Variants in FAM135B observed in about 807,000 individuals in gnomAD.
FAM135B encodes family with sequence similarity 135 member B, also known as protein FAM135B.
A neutral mutation model predicts 127.7 loss-of-function variants in FAM135B; 43 were observed. The observed-to-expected ratio is 0.34, with a 90% confidence interval of 0.26 to 0.43. The LOEUF (loss-of-function observed/expected upper bound fraction) is 0.43, where lower values mean the gene tolerates loss of function less well. FAM135B is among the 20% of genes least tolerant of loss of function. The pLI, the probability that FAM135B is intolerant of heterozygous loss-of-function variation, is 1.00. For missense variants in FAM135B, 1,558 were observed against 1,725.6 expected (o/e 0.90, Z 1.72); for synonymous variants, 670 against 665.1 (o/e 1.01, Z -0.11).
At chr8:138,235,308 T>C (rs1372606889) in intron 7 of FAM135B, among the ~76,000 whole-genome samples, 1 of 126,582 alleles carries the variant, frequency 7.9e-6, no homozygotes, top group South Asian at 2.4e-4. Flanking sequence ...GTCATTTCCA[T>C]TGCTGCATCA....
At chr8:138,301,614 C>T (rs543705358) in intron 3 of FAM135B, among the ~76,000 whole-genome samples, 6 of 152,272 alleles carry the variant, frequency 3.9e-5, no homozygotes, top group East Asian at 1.9e-4. Context: ...CCTACTCTGC[C>T]CCAGGCCCTC....
In FAM135B at chr8:138,153,124, T is replaced by C; in HGVS notation, c.1351A>G (p.Asn451Asp). 6.2e-7 allele frequency: 1 copy of C among 1,614,030 alleles called. No individual in the cohort carries two copies. Among genetic ancestry groups the C allele is most frequent in the South Asian group, 1.1e-5 (1 of 91,064 alleles). Residue 451 changes from asparagine (N) to aspartate (D), a missense_variant, in exon 13 of 20, where the codon AAT (asparagine) becomes GAT (aspartate). By Grantham distance (23) the Asn-to-Asp change is conservative. Around this residue, in one of 5 missense-constraint regions of FAM135B, gnomAD observed 923 missense variants for 865.3 expected, o/e 1.07. Transcript: ENST00000395297. Reference sequence around the variant, plus strand: ...TCTTCCCTAAAAGATAAATTGCTATTTACCATACAGTTATCTTCCTTGTCT... The same window carrying C: ...TCTTCCCTAAAAGATAAATTGCTATCTACCATACAGTTATCTTCCTTGTCT... Reference protein sequence around the residue: ...LKDKEDNCMVNSNLSFREDLV... With the variant: ...LKDKEDNCMVDSNLSFREDLV...
chr8:138,226,189 G>GCGCGCGCA (rs1237791346), intron 7 of FAM135B, among the ~76,000 whole-genome samples: 14 of 148,076 alleles, frequency 9.5e-5, no homozygotes, highest in African/African-American at 2.3e-4. Flanking sequence ...GTGTGTGCGC[G>GCGCGCGCA]CATGTCATTT....
intron 6 of FAM135B, among the ~76,000 whole-genome samples, chr8:138,247,649 G>T (rs992623798): frequency 6.6e-6 from 1 of 152,030 alleles, no homozygotes; most frequent in Admixed American, 6.6e-5. Context: ...CTTGCTCTCT[G>T]CCCTTTCGGT....
chr8:138,389,992 G>A (rs544123939), intron 1 of FAM135B, among the ~76,000 whole-genome samples: 16 of 152,252 alleles, frequency 1.1e-4, no homozygotes, highest in African/African-American at 3.9e-4. Context: ...CATTACATGT[G>A]TATGTTCTTA....
chr8:138,418,446 C>CAGT (rs71316342), intron 1 of FAM135B, among the ~76,000 whole-genome samples: 10,257 of 151,568 alleles, frequency 0.068, 784 homozygotes, highest in East Asian at 0.26. Flanking sequence ...CAGAAAACTG[C>CAGT]GAGATGCTAT....
chr8:138,189,539 A>C lies in FAM135B; in HGVS notation c.873+5719T>G, dbSNP rs1432858369. Among the ~76,000 whole-genome samples the C allele has an allele frequency of 2.0e-5, 3 of 152,212 alleles. No homozygotes were observed. In the South Asian group the frequency reaches 6.2e-4, roughly 31 times the overall value. On this transcript the variant is annotated intron_variant, in intron 9 of 19. Coordinates refer to ENST00000395297, the MANE Select transcript of FAM135B (RefSeq NM_015912.4). The stretch of plus-strand genomic sequence containing the variant: ...CATCCGCACATGGCAAAGCTAAAAG[A>C]GCACTGACTGTAACACTCCTTCTGG...
chr8:138,218,172 T>G (rs1415789523), intron 7 of FAM135B, among the ~76,000 whole-genome samples: 1 of 152,180 alleles, frequency 6.6e-6, no homozygotes, highest in Non-Finnish European at 1.5e-5. Context: ...GTAGATGCAG[T>G]TCTTGAATTA....
chr8:138,322,280 C>T (rs1321121459), intron 2 of FAM135B, among the ~76,000 whole-genome samples: 1 of 152,204 alleles, frequency 6.6e-6, no homozygotes, highest in African/African-American at 2.4e-5. Context: ...CTCTGCCCCA[C>T]ACCTGACAAG....
intron 1 of FAM135B, among the ~76,000 whole-genome samples, chr8:138,477,647 A>G (rs1814562229): frequency 1.3e-5 from 2 of 152,126 alleles, no homozygotes; most frequent in Non-Finnish European, 2.9e-5. Flanking sequence ...TTTTCTCACT[A>G]AACAGAATGG....
rs1230617169 is a variant in FAM135B, at chr8:138,282,712, ACT to A, written c.158-16872_158-16871del. Among the ~76,000 whole-genome samples the A allele has an allele frequency of 2.0e-5, 3 of 152,074 alleles. No homozygotes were observed. In the South Asian group the frequency reaches 6.2e-4, roughly 32 times the overall value. Reference sequence around the variant, plus strand: ...GCAAAGGTGTGGGGTAACAACAATAACTCTCATTCACGACATGTGGGAACGGA... The same window carrying A: ...GCAAAGGTGTGGGGTAACAACAATAACTCATTCACGACATGTGGGAACGGA... On this transcript the variant is annotated intron_variant, in intron 3 of 19. Transcript: ENST00000395297.
intron 12 of FAM135B, among the ~76,000 whole-genome samples, chr8:138,163,407 T>G (rs976112447): frequency 4.6e-5 from 7 of 152,122 alleles, no homozygotes; most frequent in African/African-American, 1.7e-4. Context: ...GTTTAGGCCA[T>G]GTGATATGGT....
chr8:138,378,230 A>G (rs1198541030), intron 1 of FAM135B, among the ~76,000 whole-genome samples: 1 of 152,222 alleles, frequency 6.6e-6, no homozygotes, highest in Non-Finnish European at 1.5e-5. Context: ...GTGGTCCACA[A>G]GGATAAATAC....
intron 1 of FAM135B, among the ~76,000 whole-genome samples, chr8:138,422,229 T>C (rs1834554543): frequency 6.6e-6 from 1 of 152,106 alleles, no homozygotes; most frequent in African/African-American, 2.4e-5. Context: ...TTTATGACGA[T>C]GACTCTAAAA....
chr8:138,308,190 C>T lies in FAM135B; in HGVS notation c.157+2651G>A, dbSNP rs192740696. On this transcript the variant is annotated intron_variant, in intron 3 of 19. Transcript: ENST00000395297. ...CTCAGCTATCATGTAAGAAGTCTGACCACCCAACTGGAGACAGAAGCCCAG... is the reference window on the plus strand; with the variant it reads ...CTCAGCTATCATGTAAGAAGTCTGATCACCCAACTGGAGACAGAAGCCCAG... Among the ~76,000 whole-genome samples, 1,140 of 152,274 alleles carry T rather than the reference C, an allele frequency of 7.5e-3. 10 individuals carry two copies. Among genetic ancestry groups the T allele is most frequent in the Middle Eastern group, 0.014 (4 of 294 alleles).
At chr8:138,415,553 T>C (rs1424001267) in intron 1 of FAM135B, among the ~76,000 whole-genome samples, 1 of 152,148 alleles carries the variant, frequency 6.6e-6, no homozygotes, top group Admixed American at 6.5e-5. Context: ...CACAGCGAAG[T>C]AGCATCAGAG....
rs947190694 is a variant in FAM135B, at chr8:138,153,348, C to A, written c.1259-132G>T. The A allele has an allele frequency of 4.5e-6, 3 of 661,842 alleles. No homozygotes were observed. The African/African-American group carries it at 5.5e-5, about 12-fold the overall frequency. The allele number at this position is 661,842 out of a possible 1,614,324, so 41.0% of individuals were successfully genotyped here. A position where few individuals can be genotyped will look rare whatever the true frequency, so the allele number is the denominator to read the frequency against. ...TTCGAAGATGGGAGAATAGGAAGAG[C>A]TCCAGTCTACAGCTCCCAGTGTGAG... On this transcript the variant is annotated intron_variant, in intron 12 of 19. Coordinates refer to ENST00000395297, the MANE Select transcript of FAM135B (RefSeq NM_015912.4).
chr8:138,435,073 C>A (rs1422259054), intron 1 of FAM135B, among the ~76,000 whole-genome samples: 2 of 151,992 alleles, frequency 1.3e-5, no homozygotes, highest in Non-Finnish European at 2.9e-5. Context: ...TTTGGGAGGC[C>A]GAGGCGGGTG....
At chr8:138,387,669 T>G (rs962993140) in intron 1 of FAM135B, among the ~76,000 whole-genome samples, 1 of 152,152 alleles carries the variant, frequency 6.6e-6, no homozygotes, top group East Asian at 1.9e-4. Context: ...CACTTAATCC[T>G]AGACACAGCG....
Sources: allele counts gnomAD v4.1 joint callset (sites outside exome capture counted in the v4.1 genomes callset), GRCh38; gene constraint gnomAD v4.1.1; regional missense constraint gnomAD v4.1.1; transcripts MANE v1.5; gene names NCBI Gene and HGNC (gene_info 2026-07-23, HGNC 2026-07-21).